ZRANB3: variants seen among roughly 807,000 people sequenced by gnomAD.
ZRANB3 encodes zinc finger RANBP2-type containing 3.
Under a neutral mutation model 133.8 loss-of-function variants are expected in ZRANB3, and 125 were observed. That is an observed-to-expected ratio of 0.93 (90% CI 0.81 to 1.08). ZRANB3 has a LOEUF of 1.08. ZRANB3 is among the 50% of genes least tolerant of loss of function. The pLI is 0.00. For synonymous variants in ZRANB3, 387 were observed against 432.7 expected (o/e 0.89, Z 1.31); for missense variants, 1,229 against 1,275.5 (o/e 0.96, Z 0.56).
intron 2 of ZRANB3, among the ~76,000 whole-genome samples, chr2:135,495,293 G>A (rs548588786): frequency 1.3e-5 from 2 of 152,192 alleles, no homozygotes; most frequent in Admixed American, 1.3e-4. Flanking sequence ...TAACTGTGCT[G>A]TGTCTATATA....
intron 11 of ZRANB3, 67 bp from the exon 12 acceptor site, chr2:135,265,753 T>C (rs1680210041): frequency 1.3e-6 from 2 of 1,490,262 alleles, no homozygotes. Context: ...ACTAAGTAAC[T>C]TGATTTTGCA....
intron 1 of ZRANB3, among the ~76,000 whole-genome samples, chr2:135,523,694 A>C (rs760526123): frequency 2.0e-5 from 3 of 152,242 alleles, no homozygotes; most frequent in Non-Finnish European, 4.4e-5. Flanking sequence ...CAGATGGTCA[A>C]CTAATCTGCC....
At chr2:135,438,641 C>A (rs1458843105) in intron 2 of ZRANB3, among the ~76,000 whole-genome samples, 1 of 152,172 alleles carries the variant, frequency 6.6e-6, no homozygotes, top group Non-Finnish European at 1.5e-5. Context: ...AAGTCCCAAT[C>A]CTACTCCTGA....
At chr2:135,299,588 C>G (rs1682333471) in intron 8 of ZRANB3, among the ~76,000 whole-genome samples, 1 of 152,160 alleles carries the variant, frequency 6.6e-6, no homozygotes, top group African/African-American at 2.4e-5. Context: ...TGGAAGCCCT[C>G]CCTATCGTCA....
chr2:135,302,793 G>A (rs1682497180), intron 8 of ZRANB3, among the ~76,000 whole-genome samples: 1 of 152,038 alleles, frequency 6.6e-6, no homozygotes, highest in Non-Finnish European at 1.5e-5. Flanking sequence ...CAAAGTGCTG[G>A]GATTACAGGC....
intron 2 of ZRANB3, among the ~76,000 whole-genome samples, chr2:135,471,273 C>A (rs1691256725): frequency 1.3e-5 from 2 of 152,100 alleles, no homozygotes. Context: ...TTCTTGGGAT[C>A]TTTCACCTAC....
At chr2:135,306,643 C>T (rs1211762337) in intron 8 of ZRANB3, among the ~76,000 whole-genome samples, 5 of 149,258 alleles carry the variant, frequency 3.3e-5, no homozygotes, top group Non-Finnish European at 7.4e-5. Flanking sequence ...GGCTGGAATG[C>T]AGTGGTGCAA....
intron 8 of ZRANB3, among the ~76,000 whole-genome samples, chr2:135,287,100 G>A (rs879012559): frequency 6.6e-6 from 1 of 152,200 alleles, no homozygotes; most frequent in Non-Finnish European, 1.5e-5. Flanking sequence ...TATGCATAAG[G>A]TGAGAGATGA....
At chr2:135,245,974 A>T (rs1404176536) in intron 12 of ZRANB3, among the ~76,000 whole-genome samples, 2 of 144,726 alleles carry the variant, frequency 1.4e-5, no homozygotes, top group Non-Finnish European at 3.0e-5. Context: ...CATGATAAAC[A>T]TCTGAAGGTG....
intron 15 of ZRANB3, among the ~76,000 whole-genome samples, chr2:135,222,716 A>ATTT (rs915175799): frequency 6.6e-6 from 1 of 151,776 alleles, no homozygotes; most frequent in African/African-American, 2.4e-5. Context: ...CTCACTAAAT[A>ATTT]TTTTTTTGAC....
intron 17 of ZRANB3, among the ~76,000 whole-genome samples, chr2:135,216,601 A>T (rs1029416258): frequency 7.1e-6 from 1 of 140,834 alleles, no homozygotes; most frequent in Non-Finnish European, 1.6e-5. Context: ...CACCTGGCTA[A>T]TTTTTTTTTT....
intron 15 of ZRANB3, among the ~76,000 whole-genome samples, chr2:135,219,455 G>A (rs1173009640): frequency 1.3e-5 from 2 of 152,140 alleles, no homozygotes; most frequent in East Asian, 3.8e-4. Flanking sequence ...TTACTGCTGT[G>A]TCATACTCTT....
chr2:135,387,622 G>A (rs11886694), intron 3 of ZRANB3, among the ~76,000 whole-genome samples: 15,840 of 152,128 alleles, frequency 0.1, 1,090 homozygotes, highest in South Asian at 0.32. Flanking sequence ...TTATAAATAG[G>A]ATATAACATC....
At chr2:135,353,393 A>G in intron 4 of ZRANB3, 57 bp downstream of exon 4, 1 of 1,252,048 alleles carries the variant, frequency 8.0e-7, no homozygotes, top group Non-Finnish European at 1.1e-6. Flanking sequence ...ACATGAATAT[A>G]TACCAGGTAC....
In ZRANB3 at chr2:135,272,599, G is replaced by C. The variant is rs1294044682; in HGVS notation, c.1087-712C>G. On this transcript the variant is annotated intron_variant, in intron 9 of 20. Coordinates refer to ENST00000264159, the MANE Select transcript of ZRANB3 (RefSeq NM_032143.4). ...CGGCTAATTTTTTGTATTTTTAGTA[G>C]AGACAGGGTTTCACAGTGTTAGCCA... Among the ~76,000 whole-genome samples, 4 of 151,636 alleles carry C rather than the reference G, an allele frequency of 2.6e-5. No homozygotes were observed. In the East Asian group the frequency reaches 5.9e-4, roughly 22 times the overall value.
intron 1 of ZRANB3, among the ~76,000 whole-genome samples, chr2:135,527,204 A>T (rs1159628894): frequency 1.3e-5 from 2 of 152,126 alleles, no homozygotes; most frequent in African/African-American, 4.8e-5. Context: ...TTTTGTCGAC[A>T]ATCATCTGGC....
chr2:135,233,529 A>G (rs892780051), intron 12 of ZRANB3, among the ~76,000 whole-genome samples: 1 of 152,246 alleles, frequency 6.6e-6, no homozygotes, highest in African/African-American at 2.4e-5. Flanking sequence ...AAAAATGTTA[A>G]GGGCAGCCAG....
At chr2:135,287,115 C>T (rs1681411258) in intron 8 of ZRANB3, among the ~76,000 whole-genome samples, 1 of 152,168 alleles carries the variant, frequency 6.6e-6, no homozygotes, top group African/African-American at 2.4e-5. Context: ...AGATGAGGAT[C>T]CAGTTTCATT....
intron 16 of ZRANB3, 44 bp from the exon 17 acceptor site, chr2:135,217,651 A>C (rs779956523): frequency 3.1e-6 from 5 of 1,588,624 alleles, no homozygotes; most frequent in Middle Eastern, 3.4e-4. Flanking sequence ...TCACAGGCAG[A>C]TATCTTCCTT....
Sources: gnomAD v4.1 joint callset for allele counts (sites outside exome capture counted in the v4.1 genomes callset) on GRCh38, gnomAD v4.1.1 for gene constraint, MANE v1.5 for transcripts, NCBI Gene and HGNC (gene_info 2026-07-23, HGNC 2026-07-21) for gene names.